Variants in SLC66A2 observed in about 807,000 individuals in gnomAD.
SLC66A2 encodes the protein solute carrier family 66 member 2.
Under a neutral mutation model 25.5 loss-of-function variants are expected in SLC66A2, and 23 were observed. The observed-to-expected ratio is 0.90, with a 90% confidence interval of 0.65 to 1.28. The LOEUF is 1.28. Ranked by LOEUF, SLC66A2 falls within the 50% of genes most tolerant of loss-of-function variation. SLC66A2 has a pLI of 0.00. For synonymous variants in SLC66A2, 193 were observed against 166.5 expected, an observed-to-expected ratio of 1.16 and a Z score of -1.23; for missense variants, 396 against 373.1, an observed-to-expected ratio of 1.06 and a Z score of -0.51.
chr18:79,942,777 G>A (rs1480650233), intron 3 of SLC66A2, among the ~76,000 whole-genome samples: 1 of 152,200 alleles, frequency 6.6e-6, no homozygotes, highest in Non-Finnish European at 1.5e-5. Context: ...AAAGGTTAAG[G>A]AGCCATGTGT....
Position 79,940,126 on chromosome 18 carries a change from G to A in SLC66A2, c.337+3203C>T, listed in dbSNP as rs142049866. On this transcript the variant is annotated intron_variant, in intron 3 of 5. Transcript: ENST00000397778. The surrounding 1 kb of genome is among the most constrained non-coding windows in gnomAD (Gnocchi z 4.1). ...GCCATCATCCTTAGCAAACTAACAC[G>A]GGAACAGAAGACCAAATGCCGCATG... Among the ~76,000 whole-genome samples the A allele has an allele frequency of 1.3e-5, 2 of 152,238 alleles. No homozygotes were observed. The highest frequency in any genetic ancestry group is 2.4e-5 in the African/African-American group (1 of 41,534).
chr18:79,905,812 A>T (rs1479407249), intron 5 of SLC66A2, among the ~76,000 whole-genome samples: 3 of 152,234 alleles, frequency 2.0e-5, no homozygotes, highest in African/African-American at 7.2e-5. Context: ...CTTGGCATGC[A>T]GCATCAGCTC....
intron 2 of SLC66A2, among the ~76,000 whole-genome samples, chr18:79,947,688 G>C (rs961377841): frequency 1.4e-5 from 1 of 72,576 alleles, no homozygotes; most frequent in Admixed American, 1.6e-4. Context: ...CACCGAGTGT[G>C]CCTGCGCATG....
rs1987839768 is a variant in SLC66A2, at chr18:79,943,187, AAC to A, written c.337+140_337+141del. 3.9e-6 allele frequency: 4 copies of A among 1,015,626 alleles called. No individual in the cohort carries two copies. In the Admixed American group the frequency reaches 1.0e-4, roughly 25 times the overall value. 62.9% of individuals were successfully genotyped at this position (1,015,626 alleles called of 1,614,324 possible). A position where few individuals can be genotyped will look rare whatever the true frequency, so the allele number is the denominator to read the frequency against. ...AACTGAAGTCATTTAACATACTGAA[AAC>A]ACTATCAGCTGGAGATAACAGCACC... On this transcript the variant is annotated intron_variant, in intron 3 of 5. Transcript: ENST00000397778.
Position 79,917,967 on chromosome 18 carries a change from C to A in SLC66A2, c.608+1217G>T, listed in dbSNP as rs1162259088. On this transcript the variant is annotated intron_variant, in intron 5 of 5. Coordinates refer to ENST00000397778, the MANE Select transcript of SLC66A2 (RefSeq NM_025078.5). The surrounding 1 kb of genome is among the most constrained non-coding windows in gnomAD (Gnocchi z 6.0). ...CCCAGCCCACACCTACACTTCACATCTGTGCCTATGTCCCACACCCACACC... is the reference window on the plus strand; with the variant it reads ...CCCAGCCCACACCTACACTTCACATATGTGCCTATGTCCCACACCCACACC... Among the ~76,000 whole-genome samples the A allele has an allele frequency of 6.6e-6, 1 of 152,070 alleles. No individual in the cohort carries two copies. Among genetic ancestry groups the A allele is most frequent in the Non-Finnish European group, 1.5e-5 (1 of 67,968 alleles).
chr18:79,932,360 T>C (rs968988494), intron 4 of SLC66A2, among the ~76,000 whole-genome samples: 3 of 151,190 alleles, frequency 2.0e-5, no homozygotes, highest in Non-Finnish European at 4.4e-5. Context: ...AAAGCAAGCA[T>C]AAGGAATGAA....
At chr18:79,934,170 T>C in intron 3 of SLC66A2, 148 bp from the exon 4 acceptor site, 1 of 695,962 alleles carries the variant, frequency 1.4e-6, no homozygotes, top group South Asian at 1.9e-5. Flanking sequence ...TCACAAGATT[T>C]TGGTTTTTGT....
intron 4 of SLC66A2, among the ~76,000 whole-genome samples, chr18:79,923,192 G>C (rs1363554808): frequency 7.1e-6 from 1 of 140,744 alleles, no homozygotes; most frequent in Non-Finnish European, 1.5e-5. Context: ...AGCAGGATGG[G>C]CTATGGACAG....
At chr18:79,934,052 A>G (rs1986836487) in intron 3 of SLC66A2, 30 bp from the exon 4 acceptor site, 1 of 1,586,394 alleles carries the variant, frequency 6.3e-7, no homozygotes, top group Non-Finnish European at 8.6e-7. Context: ...ACAGAAACAG[A>G]AAGGGGAAAA....
intron 5 of SLC66A2, among the ~76,000 whole-genome samples, chr18:79,912,308 T>C (rs1983350947): frequency 6.6e-6 from 1 of 152,132 alleles, no homozygotes; most frequent in Non-Finnish European, 1.5e-5. Flanking sequence ...CCATCACATG[T>C]AACAGCATAA....
intron 5 of SLC66A2, among the ~76,000 whole-genome samples, chr18:79,907,354 T>TTTTTTTTTTTTTTTTTTGTTG (rs1982281132): frequency 1.4e-4 from 1 of 6,900 alleles, no homozygotes; most frequent in Admixed American, 4.2e-3. Flanking sequence ...TTTTTGGTTG[T>TTTTTTTTTTTTTTTTTTGTTG]TTTTTTTTTT....
intron 3 of SLC66A2, 150 bp downstream of exon 3, chr18:79,943,179 A>C: frequency 1.1e-6 from 1 of 948,900 alleles, no homozygotes; most frequent in Non-Finnish European, 1.5e-6. Flanking sequence ...GTCATTTAAC[A>C]TACTGAAAAC....
chr18:79,923,901 G>T (rs1161811434), intron 4 of SLC66A2, among the ~76,000 whole-genome samples: 1 of 152,030 alleles, frequency 6.6e-6, no homozygotes, highest in Non-Finnish European at 1.5e-5. Flanking sequence ...GCAGGGTGTG[G>T]TGGTGCGCAC....
intron 5 of SLC66A2, among the ~76,000 whole-genome samples, chr18:79,905,054 C>T (rs1045131227): frequency 1.1e-4 from 17 of 152,126 alleles, no homozygotes; most frequent in Non-Finnish European, 2.1e-4. Flanking sequence ...CAGCCATGGC[C>T]GGGTGTGTTC....
At chr18:79,947,331 GGT>G (rs1459578043) in intron 2 of SLC66A2, 5 of 152,230 alleles carry the variant, frequency 3.3e-5, no homozygotes, top group Admixed American at 3.3e-4. Flanking sequence ...TTTGCAAAAT[GGT>G]AGTAAGGACT....
In SLC66A2 at chr18:79,919,215, T is replaced by C. The variant is rs1423998765; in HGVS notation, c.577A>G (p.Asn193Asp). The change falls in exon 5 of 6, where the codon AAC (asparagine) becomes GAC (aspartate). Residue 193 changes from asparagine to aspartate, a missense_variant. Asn to Asp is a conservative substitution (Grantham distance 23). Transcript: ENST00000397778. The stretch of plus-strand genomic sequence containing the variant: ...CCCTCCGTGGACTGGTGGCGGTGGT[T>C]GCGGTAAAGCTGGGGCACACCCAGC... ...AMLGVPQLYR[N>D]HRHQSTEGMS... 6.2e-7 allele frequency: 1 copy of C among 1,612,912 alleles called. No homozygotes were observed. Among genetic ancestry groups the C allele is most frequent in the Non-Finnish European group, 8.5e-7 (1 of 1,179,992 alleles).
At chr18:79,945,211 G>A (rs1221434806) in intron 2 of SLC66A2, 4 of 152,294 alleles carry the variant, frequency 2.6e-5, no homozygotes, top group African/African-American at 7.2e-5. Context: ...CTCAGAGGGT[G>A]GCCATGCTGA....
At position 79,919,218 on chromosome 18, in the gene SLC66A2, G is replaced by A. The variant is rs528372880; in HGVS notation, c.574C>T (p.Arg192Cys). 34 of 1,613,092 alleles carry A rather than the reference G, an allele frequency of 2.1e-5. No individual in the cohort carries two copies. The highest frequency in any genetic ancestry group is 1.3e-4 in the Admixed American group (8 of 60,020). ...TCCGTGGACTGGTGGCGGTGGTTGCGGTAAAGCTGGGGCACACCCAGCATG... is the reference window on the plus strand; with the variant it reads ...TCCGTGGACTGGTGGCGGTGGTTGCAGTAAAGCTGGGGCACACCCAGCATG... ...EAMLGVPQLYRNHRHQSTEGM... is the reference protein window; with the variant it reads ...EAMLGVPQLYCNHRHQSTEGM... Residue 192 changes from arginine (R) to cysteine (C), a missense_variant, in exon 5 of 6, where the codon CGC becomes TGC. Arg to Cys is a radical substitution (Grantham distance 180). Transcript: ENST00000397778.
At chr18:79,916,150 G>GGT (rs1568302039) in intron 5 of SLC66A2, among the ~76,000 whole-genome samples, 2,326 of 51,032 alleles carry the variant, frequency 0.046, 824 homozygotes, top group Middle Eastern at 0.092. Context: ...CCGTACCCGC[G>GGT]GCGCTCTCGT....
Sources: allele counts gnomAD v4.1 joint callset (sites outside exome capture counted in the v4.1 genomes callset), GRCh38; gene constraint gnomAD v4.1.1; non-coding constraint Gnocchi (gnomAD v3.1); transcripts MANE v1.5; gene names NCBI Gene and HGNC (gene_info 2026-07-23, HGNC 2026-07-21).